The following GLIS3 variants were observed in gnomAD, a reference collection of about 807,000 sequenced individuals.
GLIS3 encodes zinc finger protein GLIS3.
GLIS3 carries 53 observed loss-of-function variants against 78.6 expected under a neutral mutation model. The observed-to-expected ratio is 0.67, with a 90% CI of 0.54 to 0.85. GLIS3 has a LOEUF of 0.85. GLIS3 is among the 40% of genes least tolerant of loss of function. The pLI is 0.00. For missense variants in GLIS3, 1,703 were observed against 1,231.1 expected (o/e 1.38, Z -5.74); for synonymous variants, 684 against 509.9 (o/e 1.34, Z -4.60).
At chr9:4,058,957 G>A (rs1197690242) in intron 4 of GLIS3, among the ~76,000 whole-genome samples, 2 of 151,340 alleles carry the variant, frequency 1.3e-5, no homozygotes, top group African/African-American at 4.9e-5. Context: ...ACTCCAGCGT[G>A]GGCCACAGAG....
chr9:4,251,266 C>G (rs1003507512), intron 2 of GLIS3, among the ~76,000 whole-genome samples: 2 of 152,130 alleles, frequency 1.3e-5, no homozygotes, highest in Non-Finnish European at 2.9e-5. Context: ...TCTCTAAGAG[C>G]TTGCTTTATG....
At chr9:4,444,078 G>C in the GLIS3 span, among the ~76,000 whole-genome samples, 1 of 152,196 alleles carries the variant, frequency 6.6e-6, no homozygotes, top group African/African-American at 2.4e-5. Context: ...GTCAAGAGAA[G>C]AGTAACCTCT....
chr9:3,860,406 C>T (rs1254861581), intron 8 of GLIS3, among the ~76,000 whole-genome samples: 2 of 151,874 alleles, frequency 1.3e-5, no homozygotes, highest in Non-Finnish European at 2.9e-5. Flanking sequence ...TGGCCACTCT[C>T]CTTCCCTTCT....
the GLIS3 span, among the ~76,000 whole-genome samples, chr9:4,382,788 T>C: frequency 6.6e-6 from 1 of 152,218 alleles, no homozygotes; most frequent in Non-Finnish European, 1.5e-5. Flanking sequence ...CCATTTCTCA[T>C]GTAGCTTTTA....
At chr9:4,245,921 T>C (rs1275801253) in intron 2 of GLIS3, among the ~76,000 whole-genome samples, 1 of 152,188 alleles carries the variant, frequency 6.6e-6, no homozygotes, top group East Asian at 1.9e-4. Flanking sequence ...TCCTCCGGTA[T>C]TTATTTTTAT....
intron 2 of GLIS3, among the ~76,000 whole-genome samples, chr9:4,273,070 C>T (rs182358783): frequency 4.3e-4 from 65 of 152,262 alleles, no homozygotes; most frequent in African/African-American, 1.3e-3. Flanking sequence ...AGAGCTTTTA[C>T]GGTTCTAAAT....
the GLIS3 span, among the ~76,000 whole-genome samples, chr9:4,452,414 T>A: frequency 1.1e-4 from 16 of 152,226 alleles, no homozygotes; most frequent in South Asian, 3.3e-3. Flanking sequence ...GATTGTATAT[T>A]TAGGAAACCC....
At chr9:4,298,208 C>G (rs993532137) in intron 1 of GLIS3, among the ~76,000 whole-genome samples, 5 of 152,132 alleles carry the variant, frequency 3.3e-5, no homozygotes, top group African/African-American at 9.6e-5. Context: ...GCCTGTAGCC[C>G]GGGGGCGCCA....
intron 1 of GLIS3, among the ~76,000 whole-genome samples, chr9:4,287,598 A>C (rs1587317020): frequency 2.0e-5 from 3 of 152,338 alleles, no homozygotes; most frequent in Middle Eastern, 3.4e-3. Context: ...AGTTCAACAA[A>C]CACAGGAAAT....
At chr9:4,049,918 G>C (rs1184131883) in intron 4 of GLIS3, among the ~76,000 whole-genome samples, 3 of 152,068 alleles carry the variant, frequency 2.0e-5, no homozygotes. Context: ...ACACCAGTTA[G>C]AATGGTGATC....
At chr9:3,968,816 G>C (rs1818156147) in intron 4 of GLIS3, among the ~76,000 whole-genome samples, 1 of 152,138 alleles carries the variant, frequency 6.6e-6, no homozygotes, top group Non-Finnish European at 1.5e-5. Context: ...TTCTGGAAAA[G>C]AAAGTCTGAA....
chr9:3,883,485 C>G (rs929003978), intron 7 of GLIS3, among the ~76,000 whole-genome samples: 1 of 152,222 alleles, frequency 6.6e-6, no homozygotes, highest in Non-Finnish European at 1.5e-5. Context: ...TAGAGTAAAA[C>G]TGTAATGTCA....
intron 4 of GLIS3, among the ~76,000 whole-genome samples, chr9:4,099,422 C>CG (rs1830201001): frequency 6.6e-6 from 1 of 151,514 alleles, no homozygotes; most frequent in Non-Finnish European, 1.5e-5. Flanking sequence ...GTTGCCCCCC[C>CG]GAGCCTCTGT....
At chr9:4,437,121 G>T in the GLIS3 span, among the ~76,000 whole-genome samples, 1 of 152,156 alleles carries the variant, frequency 6.6e-6, no homozygotes, top group Non-Finnish European at 1.5e-5. Context: ...GGAGACAGTG[G>T]CAGTGTGAAG....
At chr9:4,310,942 T>A (rs1158617338) in intron 2 of GLIS3, among the ~76,000 whole-genome samples, 1 of 152,206 alleles carries the variant, frequency 6.6e-6, no homozygotes, top group East Asian at 1.9e-4. Context: ...AGCTAGAGAT[T>A]TGGACCCATT....
At chr9:4,242,742 A>G (rs931570504) in intron 2 of GLIS3, among the ~76,000 whole-genome samples, 3 of 152,208 alleles carry the variant, frequency 2.0e-5, no homozygotes, top group African/African-American at 7.2e-5. Context: ...ATTACACCCC[A>G]GATTCAGAAG....
At chr9:3,874,146 A>G (rs1821149629) in intron 8 of GLIS3, among the ~76,000 whole-genome samples, 2 of 152,236 alleles carry the variant, frequency 1.3e-5, no homozygotes, top group African/African-American at 2.4e-5. Flanking sequence ...TGGAGAGACC[A>G]AGGCAGGATT....
intron 4 of GLIS3, among the ~76,000 whole-genome samples, chr9:4,028,554 T>C (rs1157820773): frequency 2.6e-5 from 4 of 152,180 alleles, no homozygotes; most frequent in Non-Finnish European, 5.9e-5. Flanking sequence ...TAAAGCTCAC[T>C]GAATTTTCAC....
the GLIS3 span, among the ~76,000 whole-genome samples, chr9:4,396,717 A>G: frequency 2.0e-5 from 3 of 152,212 alleles, no homozygotes; most frequent in African/African-American, 4.8e-5. Flanking sequence ...ATATGTACAG[A>G]CATAAATTTC....
Sources: allele counts gnomAD v4.1 joint callset (sites outside exome capture counted in the v4.1 genomes callset), GRCh38; gene constraint gnomAD v4.1.1; transcripts MANE v1.5; gene names NCBI Gene and HGNC (gene_info 2026-07-23, HGNC 2026-07-21).